The following SASH1 variants were observed in gnomAD, a reference collection of about 807,000 sequenced individuals.
SASH1 encodes the protein SAM and SH3 domain containing 1.
In SASH1, 44 loss-of-function variants were observed where a neutral mutation model predicts 125.2. The observed-to-expected ratio is 0.35, with a 90% CI of 0.28 to 0.45. The LOEUF is 0.45. SASH1 is among the 20% of genes least tolerant of loss of function. The pLI is 1.00. For missense variants in SASH1, 1,426 were observed against 1,614.5 expected (o/e 0.88, Z 2.00); for synonymous variants, 639 against 649.1 (o/e 0.98, Z 0.24).
chr6:148,254,349 A>G, the SASH1 span, among the ~76,000 whole-genome samples: 24 of 152,314 alleles, frequency 1.6e-4, no homozygotes, highest in African/African-American at 5.3e-4. Flanking sequence ...GTAAAAATTA[A>G]TTGCCACCAG....
the SASH1 span, among the ~76,000 whole-genome samples, chr6:148,244,951 TGTGTGTGTGAGA>T: frequency 7.5e-6 from 1 of 134,048 alleles, no homozygotes; most frequent in Non-Finnish European, 1.7e-5. Flanking sequence ...TGTGTGTGTG[TGTGTGTGTGAGA>T]GAGAGAGAGA....
intron 8 of SASH1, among the ~76,000 whole-genome samples, chr6:148,501,064 A>G (rs1008574045): frequency 6.6e-6 from 1 of 151,942 alleles, no homozygotes; most frequent in Non-Finnish European, 1.5e-5. Flanking sequence ...TCTAGGAGGT[A>G]ACATTGGACC....
At chr6:148,510,633 A>G (rs1158515733) in intron 8 of SASH1, among the ~76,000 whole-genome samples, 1 of 151,984 alleles carries the variant, frequency 6.6e-6, no homozygotes, top group Non-Finnish European at 1.5e-5. Context: ...TTTAAAAATT[A>G]TATATTTTTT....
chr6:148,291,874 A>G (rs1302858271), intron 1 of SASH1, among the ~76,000 whole-genome samples: 1 of 152,170 alleles, frequency 6.6e-6, no homozygotes, highest in Non-Finnish European at 1.5e-5. Context: ...TACTGGGGAT[A>G]AGGTTAAAGA....
chr6:148,322,967 CTACT>C (rs1337060240), intron 1 of SASH1, among the ~76,000 whole-genome samples: 2 of 142,748 alleles, frequency 1.4e-5, no homozygotes, highest in African/African-American at 5.2e-5. Flanking sequence ...CCCTCCCTCT[CTACT>C]TCCCTCCCTC....
intron 1 of SASH1, chr6:148,280,286 C>G (rs1377505002): frequency 6.6e-6 from 1 of 151,686 alleles, no homozygotes; most frequent in East Asian, 1.9e-4. Flanking sequence ...CAGTTACCTT[C>G]GAAGTCAGAC....
At chr6:148,507,406 T>G (rs2115296401) in intron 8 of SASH1, among the ~76,000 whole-genome samples, 1 of 148,512 alleles carries the variant, frequency 6.7e-6, no homozygotes, top group Non-Finnish European at 1.5e-5. Flanking sequence ...AGTCTCGCTC[T>G]GTCGCCCAAG....
intron 5 of SASH1, among the ~76,000 whole-genome samples, chr6:148,470,302 C>G (rs188617308): frequency 1.3e-5 from 2 of 152,290 alleles, no homozygotes; most frequent in Admixed American, 1.3e-4. Flanking sequence ...AGACGACGCC[C>G]TTTCTAGCCT....
chr6:148,260,796 C>CTTTTTTTTG, the SASH1 span, among the ~76,000 whole-genome samples: 1 of 104,072 alleles, frequency 9.6e-6, no homozygotes, highest in Non-Finnish European at 1.8e-5. Context: ...CCTATAAGGG[C>CTTTTTTTTG]TTTTTTTTTT....
intron 1 of SASH1, among the ~76,000 whole-genome samples, chr6:148,387,568 CTTTCTTTCTTTCTT>C (rs1783443466): frequency 1.3e-4 from 1 of 7,952 alleles, no homozygotes; most frequent in Non-Finnish European, 2.0e-4. Flanking sequence ...TTTCTTTTCT[CTTTCTTTCTTTCTT>C]TCTTTCTTTC....
intron 4 of SASH1, among the ~76,000 whole-genome samples, 177 bp from the exon 5 acceptor site, chr6:148,468,368 C>T (rs1357392759): frequency 1.3e-5 from 2 of 152,098 alleles, no homozygotes; most frequent in African/African-American, 2.4e-5. Flanking sequence ...AAATGGCACA[C>T]GAGTCTATTT....
upstream of SASH1, among the ~76,000 whole-genome samples, chr6:148,270,331 C>T (rs1229094991): frequency 6.6e-6 from 1 of 152,202 alleles, no homozygotes; most frequent in African/African-American, 2.4e-5. Context: ...CAAAACCACC[C>T]ACTGCTCGCT....
intron 1 of SASH1, among the ~76,000 whole-genome samples, chr6:148,273,152 T>A (rs918187384): frequency 6.6e-6 from 1 of 152,000 alleles, no homozygotes; most frequent in Non-Finnish European, 1.5e-5. Flanking sequence ...CTCAGCTACT[T>A]GGGAGGCTGA....
the SASH1 span, among the ~76,000 whole-genome samples, chr6:148,236,634 G>A: frequency 3.3e-5 from 5 of 152,308 alleles, no homozygotes; most frequent in Non-Finnish European, 5.9e-5. Flanking sequence ...TCTGGACTAT[G>A]CAAGCTCCAA....
intron 1 of SASH1, among the ~76,000 whole-genome samples, chr6:148,322,693 T>C (rs962722121): frequency 1.3e-5 from 2 of 152,176 alleles, no homozygotes; most frequent in African/African-American, 4.8e-5. Context: ...TCACCTCCCT[T>C]GGCATCATGC....
At chr6:148,260,413 C>T in the SASH1 span, among the ~76,000 whole-genome samples, 1 of 151,824 alleles carries the variant, frequency 6.6e-6, no homozygotes, top group Non-Finnish European at 1.5e-5. Context: ...TTGATATCAG[C>T]CTAGGCAATA....
intron 1 of SASH1, among the ~76,000 whole-genome samples, chr6:148,361,654 T>C (rs1253531603): frequency 6.6e-6 from 1 of 151,732 alleles, no homozygotes; most frequent in African/African-American, 2.4e-5. Flanking sequence ...CCAGGTTTCC[T>C]ACCTTGCACA....
chr6:148,363,900 C>A (rs1782346818), intron 1 of SASH1, among the ~76,000 whole-genome samples: 1 of 152,006 alleles, frequency 6.6e-6, no homozygotes, highest in Non-Finnish European at 1.5e-5. Flanking sequence ...ATATTTTATT[C>A]CCTGTGGATT....
the SASH1 span, among the ~76,000 whole-genome samples, chr6:148,245,719 G>A: frequency 1.3e-5 from 2 of 152,128 alleles, no homozygotes; most frequent in African/African-American, 2.4e-5. Flanking sequence ...CAGGTGCGGT[G>A]GCTCGTGGCT....
Sources: gnomAD v4.1 joint callset for allele counts (sites outside exome capture counted in the v4.1 genomes callset) on GRCh38, gnomAD v4.1.1 for gene constraint, MANE v1.5 for transcripts, NCBI Gene and HGNC (gene_info 2026-07-23, HGNC 2026-07-21) for gene names.